PLCB1: variants seen among roughly 807,000 people sequenced by gnomAD.
The protein encoded by PLCB1 is phospholipase C beta 1.
PLCB1 carries 46 observed loss-of-function variants against 161.8 expected under a neutral mutation model. The ratio of observed to expected loss-of-function variants is 0.28; its 90% confidence interval spans 0.22 to 0.36. The LOEUF (loss-of-function observed/expected upper bound fraction) is 0.36, where lower values mean the gene tolerates loss of function less well. Ranked by LOEUF, PLCB1 falls within the 10% of genes least tolerant of loss-of-function variation. PLCB1 has a pLI of 1.00. For synonymous variants in PLCB1, 517 were observed against 503.7 expected, an observed-to-expected ratio of 1.03 and a Z score of -0.35; for missense variants, 1,016 against 1,472.5, an observed-to-expected ratio of 0.69 and a Z score of 5.07.
chr20:8,688,849 A>G (rs1288402625), intron 10 of PLCB1, among the ~76,000 whole-genome samples: 1 of 152,114 alleles, frequency 6.6e-6, no homozygotes, highest in Non-Finnish European at 1.5e-5. Flanking sequence ...GTTCCGTATG[A>G]ATTTTAGAAT....
At chr20:8,790,959 C>G (rs1048829265) in intron 31 of PLCB1, among the ~76,000 whole-genome samples, 14 of 152,024 alleles carry the variant, frequency 9.2e-5, no homozygotes, top group Non-Finnish European at 1.6e-4. Context: ...TTTCAATTTT[C>G]CTGCGCTTCT....
At chr20:8,511,712 A>G (rs1983901553) in intron 3 of PLCB1, among the ~76,000 whole-genome samples, 1 of 152,156 alleles carries the variant, frequency 6.6e-6, no homozygotes, top group Non-Finnish European at 1.5e-5. Context: ...GATGATAGCC[A>G]TTCTAACAGG....
intron 3 of PLCB1, among the ~76,000 whole-genome samples, chr20:8,541,557 A>G (rs922718092): frequency 1.4e-5 from 2 of 145,708 alleles, no homozygotes; most frequent in Non-Finnish European, 3.0e-5. Flanking sequence ...AATGAAAGGA[A>G]GAAAGAGAAA....
chr20:8,214,339 C>T (rs1034965403), intron 2 of PLCB1, among the ~76,000 whole-genome samples: 2 of 152,050 alleles, frequency 1.3e-5, no homozygotes, highest in African/African-American at 2.4e-5. Flanking sequence ...GCTGTCCTCA[C>T]GACAGTGATT....
At chr20:8,742,624 A>C (rs1005119921) in intron 23 of PLCB1, among the ~76,000 whole-genome samples, 3 of 152,196 alleles carry the variant, frequency 2.0e-5, no homozygotes, top group African/African-American at 7.2e-5. Context: ...TTACTCTTTC[A>C]TAAAATGGGA....
intron 9 of PLCB1, 109 bp from the exon 10 acceptor site, chr20:8,684,823 T>G (rs1568559807): frequency 4.2e-6 from 3 of 708,564 alleles, no homozygotes; most frequent in Non-Finnish European, 7.2e-6. Flanking sequence ...TACTAAAATG[T>G]CTTCTACCTT....
At chr20:8,457,008 T>C (rs138978018) in intron 3 of PLCB1, among the ~76,000 whole-genome samples, 2 of 152,358 alleles carry the variant, frequency 1.3e-5, no homozygotes, top group African/African-American at 4.8e-5. Flanking sequence ...ACTGCAAATT[T>C]CTTCATGTCA....
rs529374012 is a variant in PLCB1 at position 8,391,822 on chromosome 20, T to C, written c.246+20372T>C. On this transcript the variant is annotated intron_variant, in intron 3 of 31. Transcript: ENST00000338037. ...ATATATATATATATATATATATATATATACACACACATATATATATATTAC... is the reference window on the plus strand; with the variant it reads ...ATATATATATATATATATATATATACATACACACACATATATATATATTAC... Among the ~76,000 whole-genome samples the C allele has an allele frequency of 8.3e-3, 853 of 102,884 alleles. 8 individuals carry two copies. The highest frequency in any genetic ancestry group is 0.031 in the South Asian group (91 of 2,928). The allele number at this position is 102,884 out of a possible 152,430, so 67.5% of individuals were successfully genotyped here.
At chr20:8,530,582 T>G (rs1395868354) in intron 3 of PLCB1, among the ~76,000 whole-genome samples, 2 of 152,138 alleles carry the variant, frequency 1.3e-5, no homozygotes, top group Non-Finnish European at 2.9e-5. Flanking sequence ...ACTTCAAAAT[T>G]TGATAAGATT....
At position 8,268,936 on chromosome 20, in the gene PLCB1, C is replaced by A. The variant is rs575242091; in HGVS notation, c.178-102446C>A. On this transcript the variant is annotated intron_variant, in intron 2 of 31. Coordinates refer to ENST00000338037, the MANE Select transcript of PLCB1 (RefSeq NM_015192.4). ...ATTTATGAGATATATTTTTAAAGGCCCTATTTCAAAATATTCAGTGCACAT... is the reference window on the plus strand; with the variant it reads ...ATTTATGAGATATATTTTTAAAGGCACTATTTCAAAATATTCAGTGCACAT... Among the ~76,000 whole-genome samples the A allele has an allele frequency of 1.8e-4, 27 of 151,652 alleles. No individual in the cohort carries two copies. In the East Asian group the frequency reaches 5.0e-3, roughly 28 times the overall value.
chr20:8,851,244 C>T (rs1986874801), intron 31 of PLCB1, among the ~76,000 whole-genome samples: 1 of 152,190 alleles, frequency 6.6e-6, no homozygotes, highest in Non-Finnish European at 1.5e-5. Flanking sequence ...TTACCTTATA[C>T]TCACATACCA....
intron 3 of PLCB1, among the ~76,000 whole-genome samples, chr20:8,620,767 A>G (rs1306762497): frequency 6.6e-6 from 1 of 150,904 alleles, no homozygotes. Flanking sequence ...AAAAAAAAAA[A>G]AAGAAAAGAA....
intron 11 of PLCB1, among the ~76,000 whole-genome samples, chr20:8,706,433 T>A (rs982871391): frequency 6.6e-6 from 1 of 152,292 alleles, no homozygotes; most frequent in African/African-American, 2.4e-5. Flanking sequence ...GTGGAGGTGC[T>A]GACACTTGAC....
chr20:8,445,649 T>C (rs1365730948), intron 3 of PLCB1, among the ~76,000 whole-genome samples: 1 of 152,172 alleles, frequency 6.6e-6, no homozygotes, highest in African/African-American at 2.4e-5. Context: ...GTATGGCCAT[T>C]TTCATGGTAT....
intron 3 of PLCB1, among the ~76,000 whole-genome samples, chr20:8,450,656 A>T (rs1024215651): frequency 6.6e-6 from 1 of 152,212 alleles, no homozygotes; most frequent in Non-Finnish European, 1.5e-5. Flanking sequence ...CCTTGTAATG[A>T]AAGCATGATC....
intron 2 of PLCB1, among the ~76,000 whole-genome samples, chr20:8,190,095 A>G (rs559548521): frequency 1.9e-4 from 29 of 152,232 alleles, no homozygotes; most frequent in Non-Finnish European, 3.7e-4. Context: ...TAGCTTCCAT[A>G]CCAACACCTA....
At chr20:8,497,055 C>A (rs113476982) in intron 3 of PLCB1, among the ~76,000 whole-genome samples, 1 of 151,992 alleles carries the variant, frequency 6.6e-6, no homozygotes. Context: ...AAGACTGTTA[C>A]GATTAGAGTG....
At chr20:8,602,384 T>A (rs1263805919) in intron 3 of PLCB1, among the ~76,000 whole-genome samples, 1 of 152,154 alleles carries the variant, frequency 6.6e-6, no homozygotes, top group Non-Finnish European at 1.5e-5. Context: ...GCCAGGGATA[T>A]CATCACTTCT....
At chr20:8,713,751 GC>G (rs1979148730) in intron 12 of PLCB1, among the ~76,000 whole-genome samples, 1 of 152,110 alleles carries the variant, frequency 6.6e-6, no homozygotes, top group African/African-American at 2.4e-5. Context: ...ATGTTCCGGG[GC>G]TTTGGTCCCA....
Sources: gnomAD v4.1 joint callset for allele counts (sites outside exome capture counted in the v4.1 genomes callset) on GRCh38, gnomAD v4.1.1 for gene constraint, MANE v1.5 for transcripts, NCBI Gene and HGNC (gene_info 2026-07-23, HGNC 2026-07-21) for gene names.